The following FRMD5 variants were observed in gnomAD, a reference collection of about 807,000 sequenced individuals.
FRMD5 encodes FERM domain-containing protein 5.
FRMD5 carries 20 observed loss-of-function variants against 69.0 expected under a neutral mutation model. That is an observed-to-expected ratio of 0.29 (90% CI 0.20 to 0.42). The LOEUF is 0.42. Among genes scored for constraint, FRMD5 ranks in the 10% least tolerant of loss-of-function variants. The pLI is 1.00. For missense variants in FRMD5, 595 were observed against 708.6 expected, an observed-to-expected ratio of 0.84 and a Z score of 1.82; for synonymous variants, 271 against 260.1, an observed-to-expected ratio of 1.04 and a Z score of -0.40.
intron 1 of FRMD5, among the ~76,000 whole-genome samples, chr15:44,172,256 T>G (rs974419205): frequency 6.6e-6 from 1 of 151,034 alleles, no homozygotes; most frequent in African/African-American, 2.4e-5. Flanking sequence ...ATATTTGGCT[T>G]TCTTTTTCTC....
chr15:44,061,778 T>A (rs1273252178), intron 1 of FRMD5, among the ~76,000 whole-genome samples: 1 of 152,242 alleles, frequency 6.6e-6, no homozygotes, highest in African/African-American at 2.4e-5. Flanking sequence ...TCTTTTCTAA[T>A]GGCGAGATGC....
chr15:43,951,773 G>A (rs761407233), intron 1 of FRMD5, among the ~76,000 whole-genome samples: 22 of 152,170 alleles, frequency 1.4e-4, no homozygotes, highest in Non-Finnish European at 2.6e-4. Context: ...CAAGGCTGAA[G>A]GGACAATTCA....
intron 1 of FRMD5, among the ~76,000 whole-genome samples, chr15:43,954,206 G>A (rs1033788105): frequency 5.9e-5 from 9 of 152,208 alleles, no homozygotes; most frequent in African/African-American, 2.2e-4. Context: ...CCTGGGGGCT[G>A]GCACAGAACT....
chr15:43,893,116 CAA>C (rs2088831565), intron 7 of FRMD5, among the ~76,000 whole-genome samples: 1 of 132,000 alleles, frequency 7.6e-6, no homozygotes, highest in Non-Finnish European at 1.6e-5. Context: ...AAAAACAAAA[CAA>C]ACGAAAAAAC....
intron 1 of FRMD5, among the ~76,000 whole-genome samples, chr15:43,981,944 T>C (rs983126376): frequency 2.6e-5 from 4 of 152,248 alleles, no homozygotes; most frequent in Non-Finnish European, 4.4e-5. Context: ...ATTTATTTGA[T>C]TAGCTCTGTC....
chr15:44,131,619 G>A lies in FRMD5; in HGVS notation c.102+63334C>T, dbSNP rs1214078534. Among the ~76,000 whole-genome samples the A allele has an allele frequency of 3.9e-5, 6 of 152,262 alleles. No homozygotes were observed. In the East Asian group the frequency reaches 1.2e-3, roughly 29 times the overall value. ...AATATTATTCAGCCTTTAAAAGGAA[G>A]GAAATTCTGACGTATGCTCTAATAT... On this transcript the variant is annotated intron_variant, in intron 1 of 13. Coordinates refer to ENST00000417257, the MANE Select transcript of FRMD5 (RefSeq NM_032892.5).
At position 43,872,930 on chromosome 15, in the gene FRMD5, C is replaced by G. The variant is rs2088199582; in HGVS notation, c.*955G>C. The G allele has an allele frequency of 2.1e-6, 1 of 467,596 alleles. No homozygotes were observed. Among genetic ancestry groups the G allele is most frequent in the Non-Finnish European group, 3.8e-6 (1 of 266,348 alleles). The allele number at this position is 467,596 out of a possible 1,614,324, so 29.0% of individuals were successfully genotyped here. Reference sequence around the variant, plus strand: ...GTCAAGGGGGTGTATATAAAATAAGCACTGCTATCCAAATCTCAACAGTCT... The same window carrying G: ...GTCAAGGGGGTGTATATAAAATAAGGACTGCTATCCAAATCTCAACAGTCT... On this transcript the variant is annotated 3_prime_UTR_variant, in exon 14 of 14. Coordinates refer to ENST00000417257, the MANE Select transcript of FRMD5 (RefSeq NM_032892.5).
At chr15:44,130,741 T>G (rs1439525620) in intron 1 of FRMD5, among the ~76,000 whole-genome samples, 2 of 152,136 alleles carry the variant, frequency 1.3e-5, no homozygotes, top group Middle Eastern at 6.3e-3. Flanking sequence ...GCATCTCTTG[T>G]GGAACTTTCA....
At chr15:43,883,924 CTCTT>C (rs1224915719) in intron 12 of FRMD5, 115 bp from the exon 13 acceptor site, 12 of 751,280 alleles carry the variant, frequency 1.6e-5, no homozygotes, top group African/African-American at 1.6e-4. Context: ...CTTGGTCTCT[CTCTT>C]TTTTAAAATC....
At chr15:44,192,239 A>G (rs1200844114) in intron 1 of FRMD5, among the ~76,000 whole-genome samples, 1 of 152,180 alleles carries the variant, frequency 6.6e-6, no homozygotes, top group Non-Finnish European at 1.5e-5. Flanking sequence ...TAAATGCTGC[A>G]TTATGAAAGG....
intron 1 of FRMD5, among the ~76,000 whole-genome samples, chr15:43,993,094 A>T (rs1889760410): frequency 6.6e-6 from 1 of 152,106 alleles, no homozygotes; most frequent in East Asian, 1.9e-4. Flanking sequence ...TTCTAGTTTC[A>T]TACTTTGGTG....
At chr15:43,981,362 A>G (rs895217340) in intron 1 of FRMD5, among the ~76,000 whole-genome samples, 3 of 152,234 alleles carry the variant, frequency 2.0e-5, no homozygotes, top group African/African-American at 7.2e-5. Flanking sequence ...TATATTTACT[A>G]TTCATTTAGT....
At chr15:44,028,323 C>T (rs1314014820) in intron 1 of FRMD5, among the ~76,000 whole-genome samples, 1 of 152,212 alleles carries the variant, frequency 6.6e-6, no homozygotes, top group African/African-American at 2.4e-5. Context: ...GGAAAAAGTC[C>T]TTCCAGACTT....
intron 1 of FRMD5, among the ~76,000 whole-genome samples, chr15:44,023,575 C>T (rs1476171950): frequency 3.3e-5 from 5 of 152,212 alleles, no homozygotes; most frequent in East Asian, 1.9e-4. Context: ...TCAACTTAAA[C>T]GTCTAGACTT....
chr15:44,046,450 A>G (rs1892432981), intron 1 of FRMD5, among the ~76,000 whole-genome samples: 1 of 152,214 alleles, frequency 6.6e-6, no homozygotes, highest in African/African-American at 2.4e-5. Context: ...TTCCATACCC[A>G]TACACATTTT....
chr15:43,886,760 G>A (rs1327983119), intron 10 of FRMD5, among the ~76,000 whole-genome samples: 1 of 152,194 alleles, frequency 6.6e-6, no homozygotes, highest in Non-Finnish European at 1.5e-5. Flanking sequence ...ATCTGACTGG[G>A]CTCCTGCCAT....
At chr15:43,981,143 G>T (rs571382931) in intron 1 of FRMD5, among the ~76,000 whole-genome samples, 1 of 152,192 alleles carries the variant, frequency 6.6e-6, no homozygotes, top group East Asian at 1.9e-4. Context: ...AGCCTCCCAA[G>T]TAGCTGGGGT....
intron 1 of FRMD5, among the ~76,000 whole-genome samples, chr15:44,009,355 G>A (rs577990342): frequency 1.3e-5 from 2 of 152,248 alleles, no homozygotes; most frequent in Admixed American, 6.5e-5. Flanking sequence ...TCTTAAAGAT[G>A]CAAAAGACAT....
chr15:44,055,871 A>G (rs2140361089), intron 1 of FRMD5, among the ~76,000 whole-genome samples: 1 of 152,274 alleles, frequency 6.6e-6, no homozygotes, highest in South Asian at 2.1e-4. Flanking sequence ...AGCACTGACG[A>G]TTCTCTAATT....
Sources: gnomAD v4.1 joint callset for allele counts (sites outside exome capture counted in the v4.1 genomes callset) on GRCh38, gnomAD v4.1.1 for gene constraint, MANE v1.5 for transcripts, NCBI Gene and HGNC (gene_info 2026-07-23, HGNC 2026-07-21) for gene names.